The following GPC5 variants were observed in gnomAD, a reference collection of about 807,000 sequenced individuals.
The protein encoded by GPC5 is glypican-5.
GPC5 carries 47 observed loss-of-function variants against 53.9 expected under a neutral mutation model. The observed-to-expected ratio is 0.87, with a 90% CI of 0.69 to 1.11. GPC5 has a LOEUF of 1.11. GPC5 is among the 50% of genes most tolerant of loss of function. The probability of loss-of-function intolerance (pLI) is 0.00; values close to 1 mark genes in which losing one functional copy is unlikely to be tolerated. For synonymous variants in GPC5, 286 were observed against 263.3 expected, an observed-to-expected ratio of 1.09 and a Z score of -0.84; for missense variants, 748 against 713.1, an observed-to-expected ratio of 1.05 and a Z score of -0.56.
At chr13:92,069,630 CT>C (rs1461620720) in intron 6 of GPC5, among the ~76,000 whole-genome samples, 3 of 152,024 alleles carry the variant, frequency 2.0e-5, no homozygotes, top group African/African-American at 7.3e-5. Flanking sequence ...AGAATATTAA[CT>C]TTGTAAACTG....
intron 2 of GPC5, among the ~76,000 whole-genome samples, chr13:91,639,773 T>G (rs1214802647): frequency 1.3e-5 from 2 of 152,222 alleles, no homozygotes; most frequent in Non-Finnish European, 1.5e-5. Flanking sequence ...ATGGAGGACA[T>G]ATAGTATTCA....
intron 7 of GPC5, among the ~76,000 whole-genome samples, chr13:92,301,845 A>G (rs920839247): frequency 5.3e-5 from 8 of 152,046 alleles, no homozygotes; most frequent in Non-Finnish European, 8.8e-5. Context: ...TTGCAGTGAA[A>G]CGAGATCGTG....
intron 7 of GPC5, among the ~76,000 whole-genome samples, chr13:92,318,201 CTG>C (rs1341120781): frequency 6.6e-6 from 1 of 152,146 alleles, no homozygotes; most frequent in Non-Finnish European, 1.5e-5. Flanking sequence ...ACCGATATGA[CTG>C]TGAATCAGTT....
intron 2 of GPC5, among the ~76,000 whole-genome samples, chr13:91,639,154 G>T (rs1346358621): frequency 6.6e-6 from 1 of 152,098 alleles, no homozygotes; most frequent in African/African-American, 2.4e-5. Flanking sequence ...CCCAGCACAG[G>T]TGTGTGGAAT....
chr13:92,115,709 G>T (rs376152540), intron 6 of GPC5, among the ~76,000 whole-genome samples: 44 of 152,212 alleles, frequency 2.9e-4, no homozygotes, highest in African/African-American at 1.0e-3. Flanking sequence ...GTTGTTGTGT[G>T]TATCAGTTGT....
chr13:92,100,787 G>A (rs11620571), intron 6 of GPC5, among the ~76,000 whole-genome samples: 2,993 of 152,238 alleles, frequency 0.02, 35 homozygotes, highest in Non-Finnish European at 0.033. Flanking sequence ...TGAAAGTCAG[G>A]TTGTGCTATA....
At chr13:91,485,604 A>G (rs1326903117) in intron 2 of GPC5, among the ~76,000 whole-genome samples, 2 of 152,190 alleles carry the variant, frequency 1.3e-5, no homozygotes, top group Admixed American at 6.5e-5. Context: ...GAACTGAATA[A>G]TAGTAATAGC....
intron 2 of GPC5, among the ~76,000 whole-genome samples, chr13:91,449,387 T>C (rs1477094937): frequency 6.6e-6 from 1 of 152,136 alleles, no homozygotes; most frequent in Non-Finnish European, 1.5e-5. Context: ...GAGATACATG[T>C]GCAGAACATG....
intron 7 of GPC5, among the ~76,000 whole-genome samples, chr13:92,618,830 A>G (rs995210189): frequency 6.6e-6 from 1 of 151,976 alleles, no homozygotes; most frequent in African/African-American, 2.4e-5. Context: ...ATGTCCCTAT[A>G]AAGTATTAAT....
intron 5 of GPC5, among the ~76,000 whole-genome samples, chr13:91,797,152 C>T (rs2038059685): frequency 6.6e-6 from 1 of 152,084 alleles, no homozygotes. Flanking sequence ...ATCTTTCCGT[C>T]CCCAAAGTCA....
chr13:92,452,315 T>C (rs1378777756), intron 7 of GPC5, among the ~76,000 whole-genome samples: 1 of 152,174 alleles, frequency 6.6e-6, no homozygotes, highest in Non-Finnish European at 1.5e-5. Context: ...GAAGTATTGT[T>C]GGTGAAGTCA....
At chr13:92,047,036 A>G (rs1291139066) in intron 6 of GPC5, among the ~76,000 whole-genome samples, 3 of 152,302 alleles carry the variant, frequency 2.0e-5, no homozygotes, top group South Asian at 2.1e-4. Flanking sequence ...TTTCCTCCCT[A>G]GCACAGAGAA....
chr13:92,349,231 C>A (rs1204050777), intron 7 of GPC5, among the ~76,000 whole-genome samples: 1 of 152,146 alleles, frequency 6.6e-6, no homozygotes, highest in Admixed American at 6.5e-5. Flanking sequence ...GCAACCTCCA[C>A]CTCCCAGGTT....
At chr13:91,448,730 T>C in intron 1 of GPC5, 31 bp from the exon 2 acceptor site, 1 of 1,605,768 alleles carries the variant, frequency 6.2e-7, no homozygotes, top group Non-Finnish European at 8.5e-7. Flanking sequence ...AATGAACAGG[T>C]AATCATTCTG....
rs1263092665 is a variant in GPC5 at position 92,140,748 on chromosome 13, G to T, written c.1402-4082G>T. Among the ~76,000 whole-genome samples the T allele has an allele frequency of 1.3e-5, 2 of 152,158 alleles. 1 individual carries two copies. The highest frequency in any genetic ancestry group is 1.3e-4 in the Admixed American group (2 of 15,272). ...TGGTAGTGGGTAGGAGAGACTAATG[G>T]CCCCTGTAATGAGGGAGCTGGGAAG... On this transcript the variant is annotated intron_variant, in intron 6 of 7. Transcript: ENST00000377067.
At chr13:92,058,264 C>T (rs1014795219) in intron 6 of GPC5, among the ~76,000 whole-genome samples, 9 of 152,052 alleles carry the variant, frequency 5.9e-5, no homozygotes, top group South Asian at 2.1e-4. Context: ...TAGTCTCAAG[C>T]GATCCACTTG....
intron 5 of GPC5, among the ~76,000 whole-genome samples, chr13:91,879,241 C>T (rs2039238849): frequency 6.6e-6 from 1 of 152,064 alleles, no homozygotes; most frequent in Non-Finnish European, 1.5e-5. Context: ...TTTGTGTTTT[C>T]ATCTTATGGC....
At chr13:91,658,329 C>T (rs2034897648) in intron 2 of GPC5, among the ~76,000 whole-genome samples, 1 of 151,484 alleles carries the variant, frequency 6.6e-6, no homozygotes, top group African/African-American at 2.4e-5. Flanking sequence ...GTGTTATGGC[C>T]TTAGCCATAG....
chr13:92,650,359 C>T (rs554071475), intron 7 of GPC5, among the ~76,000 whole-genome samples: 1 of 152,112 alleles, frequency 6.6e-6, no homozygotes, highest in African/African-American at 2.4e-5. Flanking sequence ...AGGATTCTGC[C>T]CTCAGAAATG....
Sources: allele counts gnomAD v4.1 joint callset (sites outside exome capture counted in the v4.1 genomes callset), GRCh38; gene constraint gnomAD v4.1.1; transcripts MANE v1.5; gene names NCBI Gene and HGNC (gene_info 2026-07-23, HGNC 2026-07-21).